The following USP31 variants were observed in gnomAD, a reference collection of about 807,000 sequenced individuals.
USP31 encodes ubiquitin carboxyl-terminal hydrolase 31.
Under a neutral mutation model 119.4 loss-of-function variants are expected in USP31, and 44 were observed. The ratio of observed to expected loss-of-function variants is 0.37; its 90% confidence interval spans 0.29 to 0.47. The LOEUF is 0.47. USP31 is among the 20% of genes least tolerant of loss of function. USP31 has a pLI of 0.99. For missense variants in USP31, 1,643 were observed against 1,730.2 expected, an observed-to-expected ratio of 0.95 and a Z score of 0.89; for synonymous variants, 749 against 705.6, an observed-to-expected ratio of 1.06 and a Z score of -0.97.
chr16:23,142,646 C>T (rs192740678), intron 1 of USP31, among the ~76,000 whole-genome samples: 2 of 152,258 alleles, frequency 1.3e-5, no homozygotes, highest in Admixed American at 1.3e-4. Flanking sequence ...TTCCCACATC[C>T]TGAAAGGCTA....
intron 1 of USP31, among the ~76,000 whole-genome samples, chr16:23,125,833 T>C (rs2141891523): frequency 6.6e-6 from 1 of 152,338 alleles, no homozygotes; most frequent in Middle Eastern, 3.4e-3. Context: ...ATTATTCTTC[T>C]CCAGCTACAG....
intron 1 of USP31, among the ~76,000 whole-genome samples, chr16:23,142,648 G>C (rs1482406225): frequency 6.6e-6 from 1 of 152,126 alleles, no homozygotes; most frequent in Non-Finnish European, 1.5e-5. Flanking sequence ...CCCACATCCT[G>C]AAAGGCTAGG....
rs1001859641 is a variant in USP31, at chr16:23,062,693, T to A, written c.*5353A>T. 1 of 152,426 alleles carries A rather than the reference T, an allele frequency of 6.6e-6. No individual in the cohort carries two copies. The highest frequency in any genetic ancestry group is 1.5e-5 in the Non-Finnish European group (1 of 68,074). 9.4% of individuals were successfully genotyped at this position (152,426 alleles called of 1,614,324 possible). A position where few individuals can be genotyped will look rare whatever the true frequency, so the allele number is the denominator to read the frequency against. On this transcript the variant is annotated 3_prime_UTR_variant, in exon 16 of 16. Coordinates refer to ENST00000219689, the MANE Select transcript of USP31 (RefSeq NM_020718.4). ...ACAGATGCAAACCCCGCGGGGACAC[T>A]CAGCCTGCTCCAGCAACTAAGACCA... is the stretch of plus-strand genomic sequence containing the variant.
intron 13 of USP31, among the ~76,000 whole-genome samples, chr16:23,078,141 G>A (rs963290993): frequency 2.6e-5 from 4 of 151,662 alleles, no homozygotes; most frequent in Non-Finnish European, 4.4e-5. Flanking sequence ...GTGAAACCCC[G>A]TCTCTATTAA....
intron 1 of USP31, among the ~76,000 whole-genome samples, chr16:23,146,205 C>G (rs916797715): frequency 6.6e-5 from 9 of 135,878 alleles, no homozygotes; most frequent in Non-Finnish European, 1.2e-4. Context: ...TGGCTACTTA[C>G]AGGCAATTGT....
intron 1 of USP31, among the ~76,000 whole-genome samples, chr16:23,135,757 C>T (rs1903169749): frequency 1.3e-5 from 2 of 152,074 alleles, no homozygotes; most frequent in African/African-American, 4.8e-5. Flanking sequence ...CAATATTACC[C>T]AAATCAATCT....
chr16:23,080,416 T>C (rs1900767457), intron 12 of USP31, among the ~76,000 whole-genome samples: 1 of 152,106 alleles, frequency 6.6e-6, no homozygotes, highest in Non-Finnish European at 1.5e-5. Flanking sequence ...TCTCTGAGTC[T>C]TCCTTTCCTT....
At chr16:23,077,079 A>G (rs1292457365) in intron 13 of USP31, among the ~76,000 whole-genome samples, 1 of 152,262 alleles carries the variant, frequency 6.6e-6, no homozygotes, top group African/African-American at 2.4e-5. Flanking sequence ...GTTTAAACCA[A>G]AGTACAAGGC....
intron 1 of USP31, among the ~76,000 whole-genome samples, chr16:23,134,543 A>G (rs1401224758): frequency 6.6e-6 from 1 of 152,156 alleles, no homozygotes; most frequent in Non-Finnish European, 1.5e-5. Flanking sequence ...GGATTTGAAC[A>G]CTAACCACTC....
chr16:23,080,006 T>C lies in USP31; in HGVS notation c.2116A>G (p.Ile706Val), dbSNP rs751519878. The change falls in exon 13 of 16, where the codon ATC becomes GTC. Residue 706 changes from isoleucine (I) to valine (V), a missense_variant. This residue lies in a region of USP31 where 279 missense variants were observed against 372.2 expected (regional missense o/e 0.75). Coordinates refer to ENST00000219689, the MANE Select transcript of USP31 (RefSeq NM_020718.4). The stretch of plus-strand genomic sequence containing the variant: ...TTGCACACAGCATACAGGTCATAGA[T>C]GTAGTCCTCAGGGTCCCTCCCGAGT... Reference protein sequence around the residue: ...YGLGRDPEDYIYDLYAVCNHH... With the variant: ...YGLGRDPEDYVYDLYAVCNHH... 111 of 1,613,918 alleles carry C rather than the reference T, an allele frequency of 6.9e-5. 2 individuals are homozygous for C. In the Middle Eastern group the frequency reaches 3.6e-3, roughly 53 times the overall value.
At chr16:23,131,876 T>C (rs1903039708) in intron 1 of USP31, among the ~76,000 whole-genome samples, 1 of 152,152 alleles carries the variant, frequency 6.6e-6, no homozygotes, top group South Asian at 2.1e-4. Context: ...AGCCAAAACA[T>C]ATACTGAGCT....
rs745923764 is a variant in USP31 at position 23,068,652 on chromosome 16, G to A, written c.3453C>T (p.Asp1151=). Residue 1151 remains aspartate, a synonymous_variant, in exon 16 of 16, where the codon GAC becomes GAT. Coordinates refer to ENST00000219689, the MANE Select transcript of USP31 (RefSeq NM_020718.4). ...PFPPGKSRTS[D]HSLSREGSRQ... Reference sequence around the variant, plus strand: ...TGGAGCCCTCTCTACTCAAGCTGTGGTCTGAAGTCCTGCTCTTCCCAGGTG... The same window carrying A: ...TGGAGCCCTCTCTACTCAAGCTGTGATCTGAAGTCCTGCTCTTCCCAGGTG... The A allele has an allele frequency of 6.2e-7, 1 of 1,614,142 alleles. No homozygotes were observed. The highest frequency in any genetic ancestry group is 1.7e-5 in the Admixed American group (1 of 60,014).
At chr16:23,088,966 G>A (rs190891362) in intron 7 of USP31, among the ~76,000 whole-genome samples, 6 of 152,306 alleles carry the variant, frequency 3.9e-5, no homozygotes, top group East Asian at 3.9e-4. Context: ...CAAACTGTTC[G>A]CTCACAGTGG....
chr16:23,081,726 G>A (rs140084009), intron 12 of USP31, among the ~76,000 whole-genome samples: 5 of 152,246 alleles, frequency 3.3e-5, no homozygotes, highest in African/African-American at 4.8e-5. Flanking sequence ...ATCAACTCCC[G>A]CCACTGCCCA....
rs537705793 is a variant in USP31 at position 23,067,904 on chromosome 16, C to T, written c.*142G>A. 1.0e-5 allele frequency: 11 copies of T among 1,067,502 alleles called. No individual in the cohort carries two copies. The highest frequency in any genetic ancestry group is 2.5e-5 in the East Asian group (1 of 39,508). 66.1% of individuals were successfully genotyped at this position (1,067,502 alleles called of 1,614,324 possible). ...TTTGCAATTGAATTAGACACACACA[C>T]GCATACACTCACACACACACACACA... On this transcript the variant is annotated 3_prime_UTR_variant, in exon 16 of 16. Coordinates refer to ENST00000219689, the MANE Select transcript of USP31 (RefSeq NM_020718.4).
chr16:23,106,687 A>C (rs1567238151), intron 2 of USP31, among the ~76,000 whole-genome samples, 200 bp from the exon 3 acceptor site: 1 of 151,742 alleles, frequency 6.6e-6, no homozygotes, highest in Non-Finnish European at 1.5e-5. Context: ...CCTCACACAG[A>C]CTCTGCCAGC....
At chr16:23,096,466 T>C (rs1281803617) in intron 6 of USP31, among the ~76,000 whole-genome samples, 2 of 152,202 alleles carry the variant, frequency 1.3e-5, no homozygotes, top group African/African-American at 4.8e-5. Flanking sequence ...ATCCAGGACT[T>C]GAACTCAGCT....
chr16:23,142,845 A>G (rs1397845357), intron 1 of USP31, among the ~76,000 whole-genome samples: 1 of 152,194 alleles, frequency 6.6e-6, no homozygotes, highest in Non-Finnish European at 1.5e-5. Context: ...TGACCTACAC[A>G]ATTTCATTTT....
At chr16:23,111,398 G>GA (rs1301628985) in intron 1 of USP31, among the ~76,000 whole-genome samples, 3 of 152,146 alleles carry the variant, frequency 2.0e-5, no homozygotes, top group Non-Finnish European at 4.4e-5. Context: ...CCTAGATGAT[G>GA]AGCAACTGGT....
Sources: gnomAD v4.1 joint callset for allele counts (sites outside exome capture counted in the v4.1 genomes callset) on GRCh38, gnomAD v4.1.1 for gene constraint, gnomAD v4.1.1 regional missense constraint, MANE v1.5 for transcripts, NCBI Gene and HGNC (gene_info 2026-07-23, HGNC 2026-07-21) for gene names.